The following PCDH15 variants were observed in gnomAD, a reference collection of about 807,000 sequenced individuals.
PCDH15 encodes the protein protocadherin-15.
A neutral mutation model predicts 178.5 loss-of-function variants in PCDH15; 129 were observed. That is an observed-to-expected ratio of 0.72 (90% CI 0.63 to 0.84). The LOEUF is 0.84. Ranked by LOEUF, PCDH15 falls within the 40% of genes least tolerant of loss-of-function variation. The pLI is 0.00. For missense variants in PCDH15, 2,230 were observed against 2,099.9 expected, an observed-to-expected ratio of 1.06 and a Z score of -1.21; for synonymous variants, 800 against 732.0, an observed-to-expected ratio of 1.09 and a Z score of -1.50.
At position 54,835,874 on chromosome 10, in the gene PCDH15, G is replaced by A. The variant is rs1360739914; in HGVS notation, c.-29+61576C>T. On this transcript the variant is annotated intron_variant, in intron 3 of 5. Coordinates refer to the PCDH15 transcript ENST00000458638. ...AACTGTCACTTATAAAAGAAAGAAA[G>A]ATACGGTATTTTTTTAAAACTCCCA... Among the ~76,000 whole-genome samples, 4 of 152,054 alleles carry A rather than the reference G, an allele frequency of 2.6e-5. No homozygotes were observed. In the East Asian group the frequency reaches 7.7e-4, roughly 29 times the overall value.
intron 1 of PCDH15, among the ~76,000 whole-genome samples, chr10:54,701,687 A>G (rs147995181): frequency 6.6e-6 from 1 of 152,272 alleles, no homozygotes; most frequent in Admixed American, 6.5e-5. Context: ...TTAAACACAC[A>G]AGCAATTAAA....
At chr10:54,090,173 T>C (rs2094576452) in intron 15 of PCDH15, 110 bp from the exon 16 acceptor site, 1 of 835,086 alleles carries the variant, frequency 1.2e-6, no homozygotes, top group Non-Finnish European at 2.0e-6. Flanking sequence ...ATGACACTGT[T>C]AAAGAATAAA....
intron 2 of PCDH15, chr10:55,468,478 A>C (rs1325729876): frequency 6.6e-6 from 1 of 152,212 alleles, no homozygotes; most frequent in African/African-American, 2.4e-5. Flanking sequence ...AAAATTGCAA[A>C]GCTAAAATGG....
At chr10:55,143,523 T>G (rs979112546) in intron 2 of PCDH15, among the ~76,000 whole-genome samples, 1 of 152,114 alleles carries the variant, frequency 6.6e-6, no homozygotes, top group African/African-American at 2.4e-5. Flanking sequence ...TCCTTTTGAA[T>G]TGAGAGTGTA....
At chr10:55,027,007 C>A (rs991236777) in intron 2 of PCDH15, among the ~76,000 whole-genome samples, 2 of 151,822 alleles carry the variant, frequency 1.3e-5, no homozygotes, top group African/African-American at 4.8e-5. Context: ...TATTGAGGAA[C>A]ATCTGCATTT....
intron 3 of PCDH15, among the ~76,000 whole-genome samples, chr10:54,407,693 G>A (rs1377921165): frequency 6.6e-6 from 1 of 152,032 alleles, no homozygotes; most frequent in Admixed American, 6.6e-5. Flanking sequence ...AAGTGATCCA[G>A]GAGAACGTGC....
At chr10:55,261,940 T>G (rs542877190) in intron 1 of PCDH15, among the ~76,000 whole-genome samples, 1 of 147,954 alleles carries the variant, frequency 6.8e-6, no homozygotes, top group Non-Finnish European at 1.5e-5. Flanking sequence ...ACATAACAAA[T>G]ATGGAAAGCC....
chr10:55,517,241 T>C (rs1387371943), intron 2 of PCDH15, among the ~76,000 whole-genome samples: 2 of 152,076 alleles, frequency 1.3e-5, no homozygotes, highest in African/African-American at 2.4e-5. Flanking sequence ...TTGGTCAACA[T>C]TGATGTTTGT....
intron 3 of PCDH15, among the ~76,000 whole-genome samples, chr10:54,509,888 CAT>C (rs1009362371): frequency 1.3e-5 from 2 of 152,180 alleles, no homozygotes; most frequent in Non-Finnish European, 2.9e-5. Flanking sequence ...AATGTGTTCA[CAT>C]ATGTCTTCGA....
intron 2 of PCDH15, among the ~76,000 whole-genome samples, chr10:55,365,924 C>G (rs1458196807): frequency 6.6e-6 from 1 of 152,032 alleles, no homozygotes; most frequent in Non-Finnish European, 1.5e-5. Flanking sequence ...AGTTCCCTTT[C>G]CACTCCTTAG....
intron 8 of PCDH15, among the ~76,000 whole-genome samples, chr10:54,296,338 T>C (rs1280746463): frequency 6.6e-6 from 1 of 151,872 alleles, no homozygotes; most frequent in African/African-American, 2.4e-5. Flanking sequence ...TGGAAAGCCA[T>C]TCAGCTCCAG....
chr10:54,947,605 G>A (rs568136135), intron 2 of PCDH15, among the ~76,000 whole-genome samples: 1 of 152,014 alleles, frequency 6.6e-6, no homozygotes, highest in Non-Finnish European at 1.5e-5. Context: ...CTATATATGT[G>A]TGTGTGTGCA....
At chr10:54,590,366 A>G (rs12764272) in intron 2 of PCDH15, among the ~76,000 whole-genome samples, 3 of 152,186 alleles carry the variant, frequency 2.0e-5, no homozygotes, top group Non-Finnish European at 4.4e-5. Flanking sequence ...CAGATCTGAT[A>G]TATCAGTCCA....
intron 3 of PCDH15, among the ~76,000 whole-genome samples, chr10:54,816,320 T>C (rs1952949714): frequency 6.6e-6 from 1 of 152,068 alleles, no homozygotes; most frequent in Non-Finnish European, 1.5e-5. Context: ...AGAAAATTGG[T>C]AATGGATATA....
In PCDH15 at chr10:54,759,197, A is replaced by C. The variant is rs544548177; in HGVS notation, c.-29+41728T>G. 2.0e-5 allele frequency among the ~76,000 whole-genome samples: 3 copies of C among 152,204 alleles called. No homozygotes were observed. In the South Asian group the frequency reaches 6.2e-4, roughly 32 times the overall value. On this transcript the variant is annotated intron_variant, in intron 1 of 37. Coordinates refer to ENST00000644397, the MANE Select transcript of PCDH15 (RefSeq NM_001384140.1). ...TATCATCATTTTCTTTATAATAAAG[A>C]ATGTGACATGATATTTAAAGAAAAT... is the stretch of plus-strand genomic sequence containing the variant.
chr10:54,820,238 C>G (rs1953016028), intron 3 of PCDH15, among the ~76,000 whole-genome samples: 1 of 152,020 alleles, frequency 6.6e-6, no homozygotes, highest in South Asian at 2.1e-4. Flanking sequence ...TGTAACTCAG[C>G]TTTTTGGGCT....
chr10:54,247,969 G>GT (rs2056146476), intron 8 of PCDH15, among the ~76,000 whole-genome samples: 1 of 145,124 alleles, frequency 6.9e-6, no homozygotes, highest in Non-Finnish European at 1.5e-5. Context: ...TACACATACA[G>GT]TAAATGACAT....
rs183751915 is a variant in PCDH15, at chr10:55,198,424, C to T, written c.-155-31773G>A. On this transcript the variant is annotated intron_variant, in intron 1 of 5. Transcript: ENST00000458638. Reference sequence around the variant, plus strand: ...ATGAAATCTGGTTGCTTTAAAAGTGCTGTTTTAAAAGTGCTCATGAGATCT... The same window carrying T: ...ATGAAATCTGGTTGCTTTAAAAGTGTTGTTTTAAAAGTGCTCATGAGATCT... Among the ~76,000 whole-genome samples the T allele has an allele frequency of 4.5e-4, 68 of 152,168 alleles. 1 individual carries two copies. Among genetic ancestry groups the T allele is most frequent in the African/African-American group, 1.5e-3 (64 of 41,482 alleles).
intron 3 of PCDH15, among the ~76,000 whole-genome samples, chr10:54,452,241 A>G (rs1415091805): frequency 6.6e-6 from 1 of 152,016 alleles, no homozygotes; most frequent in Non-Finnish European, 1.5e-5. Context: ...GTGCTTTCAC[A>G]TATAATCCTA....
Sources: allele counts gnomAD v4.1 joint callset (sites outside exome capture counted in the v4.1 genomes callset), GRCh38; gene constraint gnomAD v4.1.1; transcripts MANE v1.5; gene names NCBI Gene and HGNC (gene_info 2026-07-23, HGNC 2026-07-21).